Variants in RGL1 observed in about 807,000 individuals in gnomAD.
RGL1 encodes the protein ral guanine nucleotide dissociation stimulator like 1, also known as ral guanine nucleotide dissociation stimulator-like 1.
In RGL1, 24 loss-of-function variants were observed where a neutral mutation model predicts 95.2. The ratio of observed to expected loss-of-function variants is 0.25; its 90% CI spans 0.18 to 0.35. RGL1 has a LOEUF of 0.35. Ranked by LOEUF, RGL1 falls within the 10% of genes least tolerant of loss-of-function variation. RGL1 has a pLI of 1.00. For synonymous variants in RGL1, 329 were observed against 344.9 expected (o/e 0.95, Z 0.51); for missense variants, 715 against 936.3 (o/e 0.76, Z 3.08).
At chr1:183,912,305 G>GCACC (rs1668695291) in intron 15 of RGL1, 37 bp downstream of exon 15, 1 of 1,540,844 alleles carries the variant, frequency 6.5e-7, no homozygotes, top group African/African-American at 1.4e-5. Flanking sequence ...CCTAATGCAG[G>GCACC]CACCTACATG....
At chr1:183,727,563 C>T (rs1656382757) in intron 1 of RGL1, among the ~76,000 whole-genome samples, 2 of 152,142 alleles carry the variant, frequency 1.3e-5, no homozygotes, top group African/African-American at 4.8e-5. Flanking sequence ...TGGTCACTCT[C>T]TCCACTTTTC....
intron 11 of RGL1, 143 bp downstream of exon 11, chr1:183,900,379 C>T: frequency 3.4e-6 from 2 of 586,608 alleles, no homozygotes; most frequent in Non-Finnish European, 6.1e-6. Context: ...CAAAGAATAA[C>T]ACCAAAGACT....
intron 12 of RGL1, 56 bp downstream of exon 12, chr1:183,902,656 A>C: frequency 1.3e-6 from 2 of 1,551,362 alleles, no homozygotes; most frequent in Non-Finnish European, 1.8e-6. Context: ...AAATGAAAGA[A>C]ATGGGGACTT....
At chr1:183,663,884 TA>T (rs1224320818) in intron 1 of RGL1, among the ~76,000 whole-genome samples, 2 of 151,236 alleles carry the variant, frequency 1.3e-5, no homozygotes, top group African/African-American at 4.9e-5. Context: ...TATGCAGCCA[TA>T]AAAAATGATG....
intron 1 of RGL1, among the ~76,000 whole-genome samples, chr1:183,679,592 C>A (rs1432562588): frequency 6.6e-6 from 1 of 151,726 alleles, no homozygotes; most frequent in Admixed American, 6.6e-5. Flanking sequence ...ATATGTGCCA[C>A]ATTTTCTTTA....
chr1:183,774,574 CTTTTTT>C (rs61380355), intron 2 of RGL1, among the ~76,000 whole-genome samples: 3 of 100,898 alleles, frequency 3.0e-5, no homozygotes, highest in East Asian at 5.4e-4. Flanking sequence ...TTCTTTTTTC[CTTTTTT>C]TTTTTTTTTT....
At chr1:183,740,412 A>G (rs969037397) in intron 1 of RGL1, among the ~76,000 whole-genome samples, 1 of 152,232 alleles carries the variant, frequency 6.6e-6, no homozygotes, top group African/African-American at 2.4e-5. Flanking sequence ...TGGCTTACAG[A>G]TGGAGCATGG....
intron 4 of RGL1, among the ~76,000 whole-genome samples, chr1:183,871,297 A>T (rs908065561): frequency 3.9e-5 from 6 of 152,194 alleles, no homozygotes; most frequent in Non-Finnish European, 8.8e-5. Context: ...ATGAATAAAG[A>T]GCTGAGCTAA....
At position 183,912,296 on chromosome 1, in the gene RGL1, C is replaced by T. The variant is rs1282557287; in HGVS notation, c.1749+28C>T. 2.5e-6 allele frequency: 4 copies of T among 1,582,928 alleles called. No individual in the cohort carries two copies. In the South Asian group the frequency reaches 3.4e-5, roughly 13 times the overall value. Reference sequence around the variant, plus strand: ...ATATACTCAACCCTTCTCATAATTCCTAATGCAGGCACCTACATGCTCTTT... The same window carrying T: ...ATATACTCAACCCTTCTCATAATTCTTAATGCAGGCACCTACATGCTCTTT... On this transcript the variant is annotated intron_variant, in intron 15 of 17. Transcript: ENST00000360851.
intron 1 of RGL1, among the ~76,000 whole-genome samples, chr1:183,702,888 A>G (rs1186402555): frequency 6.6e-6 from 1 of 152,224 alleles, no homozygotes; most frequent in Non-Finnish European, 1.5e-5. Flanking sequence ...TGAGGCTTAA[A>G]AGGGCATCAG....
intron 2 of RGL1, among the ~76,000 whole-genome samples, chr1:183,794,980 G>C (rs1166316204): frequency 7.6e-6 from 1 of 131,444 alleles, no homozygotes; most frequent in East Asian, 2.5e-4. Context: ...CAACTTTAAG[G>C]TAGAGACAAT....
intron 3 of RGL1, among the ~76,000 whole-genome samples, chr1:183,859,893 G>A (rs1405057103): frequency 1.3e-5 from 2 of 152,190 alleles, no homozygotes; most frequent in East Asian, 1.9e-4. Context: ...CAGACTTGGC[G>A]GAGAGGTGCC....
intron 17 of RGL1, 24 bp downstream of exon 17, chr1:183,922,360 A>G (rs778434039): frequency 2.5e-6 from 4 of 1,569,936 alleles, no homozygotes; most frequent in African/African-American, 2.7e-5. Flanking sequence ...CGAGACAGGC[A>G]TGTTCCTTCC....
At chr1:183,711,476 A>G (rs1655263908) in intron 1 of RGL1, among the ~76,000 whole-genome samples, 1 of 152,096 alleles carries the variant, frequency 6.6e-6, no homozygotes, top group Admixed American at 6.5e-5. Flanking sequence ...TTGGGGGGTG[A>G]GGTGACAGAG....
intron 2 of RGL1, among the ~76,000 whole-genome samples, chr1:183,758,600 G>A (rs929045680): frequency 6.6e-6 from 1 of 152,116 alleles, no homozygotes; most frequent in Non-Finnish European, 1.5e-5. Flanking sequence ...GTTACAGATG[G>A]TGTCTTCTCA....
At chr1:183,817,149 G>T (rs1046573882) in intron 2 of RGL1, among the ~76,000 whole-genome samples, 2 of 152,142 alleles carry the variant, frequency 1.3e-5, no homozygotes, top group Non-Finnish European at 2.9e-5. Context: ...TTAACTTTTG[G>T]TCTGAAGCCA....
intron 3 of RGL1, among the ~76,000 whole-genome samples, chr1:183,851,421 T>A (rs1012196218): frequency 6.6e-5 from 10 of 152,316 alleles, no homozygotes; most frequent in African/African-American, 2.4e-4. Context: ...GGCGCTCACT[T>A]GGAATGCCCT....
At chr1:183,843,761 A>G (rs1358554560) in intron 2 of RGL1, among the ~76,000 whole-genome samples, 1 of 152,140 alleles carries the variant, frequency 6.6e-6, no homozygotes, top group Non-Finnish European at 1.5e-5. Context: ...ACTATCCCTA[A>G]CCACTGAGAA....
chr1:183,791,565 C>A (rs758566181), intron 2 of RGL1, among the ~76,000 whole-genome samples: 1 of 152,196 alleles, frequency 6.6e-6, no homozygotes, highest in Non-Finnish European at 1.5e-5. Context: ...ACTGACCACA[C>A]TAAGACTTCC....
Sources: gnomAD v4.1 joint callset for allele counts (sites outside exome capture counted in the v4.1 genomes callset) on GRCh38, gnomAD v4.1.1 for gene constraint, MANE v1.5 for transcripts, NCBI Gene and HGNC (gene_info 2026-07-23, HGNC 2026-07-21) for gene names.